MBD6: variants seen among roughly 807,000 people sequenced by gnomAD.
The protein encoded by MBD6 is methyl-CpG-binding domain protein 6.
Under a neutral mutation model 66.8 loss-of-function variants are expected in MBD6, and 22 were observed. The ratio of observed to expected loss-of-function variants is 0.33; its 90% confidence interval spans 0.24 to 0.47. MBD6 has a LOEUF of 0.47. Among genes scored for constraint, MBD6 ranks in the 20% least tolerant of loss-of-function variants. The pLI is 1.00. For synonymous variants in MBD6, 540 were observed against 534.6 expected (o/e 1.01, Z -0.14); for missense variants, 1,322 against 1,286.9 (o/e 1.03, Z -0.42).
In MBD6 at chr12:57,527,602, C is replaced by T. The variant is rs772286482; in HGVS notation, c.2178C>T (p.Pro726=). The stretch of plus-strand genomic sequence containing the variant: ...GGGCCTCCTCTCTGGGCAAGGCCCC[C>T]TCCAACTCAGGGAGACCCCCCCAAC... ...DPGASSLGKA[P]SNSGRPPQLL... The change falls in exon 8 of 13, where the codon CCC becomes CCT. Residue 726 remains proline, a synonymous_variant. Transcript: ENST00000355673. 2.5e-6 allele frequency: 4 copies of T among 1,613,746 alleles called. No individual in the cohort carries two copies. The highest frequency in any genetic ancestry group is 1.7e-5 in the Admixed American group (1 of 59,958).
Position 57,525,517 on chromosome 12 carries a change from G to C in MBD6, c.549G>C (p.Gly183=), listed in dbSNP as rs1380318828. The C allele has an allele frequency of 1.1e-5, 18 of 1,571,116 alleles. No individual in the cohort carries two copies. The highest frequency in any genetic ancestry group is 1.6e-5 in the Non-Finnish European group (18 of 1,160,308). The change falls in exon 6 of 13, where the codon GGG becomes GGC. Residue 183 remains glycine, a synonymous_variant. Coordinates refer to ENST00000355673, the MANE Select transcript of MBD6 (RefSeq NM_052897.4). ...TTCCCACTCTAGCAGGCCCTGGGGG[G>C]CTTTTCCCCCCAAGGCTTGCTGACC... is the stretch of plus-strand genomic sequence containing the variant. The part of the protein sequence containing the change: ...QAFPTLAGPG[G]LFPPRLADPV...
At chr12:57,522,723 G>GGGGC, upstream of MBD6, 1 of 155,628 alleles carries the variant, frequency 6.4e-6, no homozygotes, top group Non-Finnish European at 1.4e-5. Context: ...GGCAGCGGCG[G>GGGGC]AGGCGGCGGC....
intron 11 of MBD6, 29 bp downstream of exon 11, chr12:57,528,747 C>A: frequency 6.2e-7 from 1 of 1,613,590 alleles, no homozygotes. Flanking sequence ...ATAGTGCTGG[C>A]CTTTGCCTAC....
At position 57,524,969 on chromosome 12, in the gene MBD6, C is replaced by G; in HGVS notation, c.233C>G (p.Pro78Arg). ...ACCTTACAGGTTTTCAACTTTGACC[C>G]TTTGGCCCCGGTGACCCCGGGTGGG... The part of the protein sequence containing the change: ...LNVPKVFNFD[P>R]LAPVTPGGAG... The change falls in exon 5 of 13, where the codon CCT becomes CGT. Residue 78 changes from proline (P) to arginine (R), a missense_variant. Physicochemically the swap from Pro to Arg is moderately radical, Grantham distance 103. Transcript: ENST00000355673. 6.2e-7 allele frequency: 1 copy of G among 1,602,868 alleles called. No individual in the cohort carries two copies. The highest frequency in any genetic ancestry group is 8.5e-7 in the Non-Finnish European group (1 of 1,172,982).
chr12:57,528,590 C>T (rs1169130139), intron 10 of MBD6, 30 bp downstream of exon 10: 4 of 1,612,042 alleles, frequency 2.5e-6, no homozygotes, highest in Non-Finnish European at 3.4e-6. Flanking sequence ...AGTCTGGGCT[C>T]AGGGGCTCTG....
chr12:57,530,062 C>G lies in MBD6; in HGVS notation c.*828C>G, dbSNP rs1353772840. The G allele has an allele frequency of 6.6e-6, 1 of 152,576 alleles. No individual in the cohort carries two copies. The highest frequency in any genetic ancestry group is 1.5e-5 in the Non-Finnish European group (1 of 68,050). The allele number at this position is 152,576 out of a possible 1,614,324, so 9.5% of individuals were successfully genotyped here. ...GACAAGACCCTTGGGAGTTTTAATT[C>G]TGTTTTGTACTTGCCCTGTGGGGCC... On this transcript the variant is annotated 3_prime_UTR_variant, in exon 13 of 13. Coordinates refer to ENST00000355673, the MANE Select transcript of MBD6 (RefSeq NM_052897.4).
downstream of MBD6, among the ~76,000 whole-genome samples, chr12:57,530,931 C>A (rs74470647): frequency 1.3e-5 from 2 of 152,258 alleles, no homozygotes; most frequent in East Asian, 3.9e-4. Context: ...TCAAGCTACC[C>A]TTAGAGTACA....
chr12:57,527,376 A>G, intron 7 of MBD6, 131 bp from the exon 8 acceptor site: 1 of 1,248,536 alleles, frequency 8.0e-7, no homozygotes, highest in East Asian at 2.4e-5. Context: ...GATGACTGCA[A>G]GAATTGGGTC....
chr12:57,526,542 C>T lies in MBD6; in HGVS notation c.1421-24C>T, dbSNP rs761971544. ...GATGGGAGAAAGGGCCTCCCTTGAG[C>T]TGAATTTCTCTCCTCTTTTACAGGT... On this transcript the variant is annotated intron_variant, in intron 6 of 12. Coordinates refer to ENST00000355673, the MANE Select transcript of MBD6 (RefSeq NM_052897.4). 15 of 1,512,724 alleles carry T rather than the reference C, an allele frequency of 9.9e-6. No individual in the cohort carries two copies. In the South Asian group the frequency reaches 1.2e-4, roughly 12 times the overall value. 93.7% of individuals were successfully genotyped at this position (1,512,724 alleles called of 1,614,324 possible). A position where few individuals can be genotyped will look rare whatever the true frequency, so the allele number is the denominator to read the frequency against.
In MBD6 at chr12:57,526,228, C is replaced by T. The variant is rs764476881; in HGVS notation, c.1260C>T (p.Thr420=). Residue 420 remains threonine (T), a synonymous_variant, in exon 6 of 13, where the codon ACC becomes ACT. Transcript: ENST00000355673. The stretch of plus-strand genomic sequence containing the variant: ...TGCTGTCCCTGCTGGGACTCCCCAC[C>T]CCTGGCCCTTCCCACTCTGATGGAA... The part of the protein sequence containing the change: ...PSVLSLLGLP[T]PGPSHSDGSF... 2 of 1,614,096 alleles carry T rather than the reference C, an allele frequency of 1.2e-6. No individual in the cohort carries two copies. The highest frequency in any genetic ancestry group is 1.7e-6 in the Non-Finnish European group (2 of 1,180,008).
chr12:57,529,417 C>CA lies in MBD6; in HGVS notation c.*184dup. ...AGCCATTGCAGGGGGCAGGGAAGTT[C>CA]ACCCCCCCCCACCACCCCCCCGCCC... On this transcript the variant is annotated 3_prime_UTR_variant, in exon 13 of 13. Transcript: ENST00000355673. 1 of 522,892 alleles carries CA rather than the reference C, an allele frequency of 1.9e-6. No individual in the cohort carries two copies. The highest frequency in any genetic ancestry group is 3.4e-6 in the Non-Finnish European group (1 of 298,180). The allele number at this position is 522,892 out of a possible 1,614,324, so 32.4% of individuals were successfully genotyped here. A position where few individuals can be genotyped will look rare whatever the true frequency, so the allele number is the denominator to read the frequency against.
Position 57,527,526 on chromosome 12 carries a change from C to T in MBD6, c.2102C>T (p.Pro701Leu), listed in dbSNP as rs774120228. The change falls in exon 8 of 13, where the codon CCC becomes CTC. Residue 701 changes from proline to leucine, a missense_variant. Coordinates refer to ENST00000355673, the MANE Select transcript of MBD6 (RefSeq NM_052897.4). ...TCTTAGCCCTGTGTCCTGAGTGCCC[C>T]CCAACCTGGACCACCTACCTCCAGT... The part of the protein sequence containing the change: ...TPPQPCVLSA[P>L]QPGPPTSSVT... 6 of 1,614,000 alleles carry T rather than the reference C, an allele frequency of 3.7e-6. No individual in the cohort carries two copies. In the South Asian group the frequency reaches 5.5e-5, roughly 15 times the overall value.
At chr12:57,524,680 G>A in intron 3 of MBD6, 40 bp from the exon 4 acceptor site, 2 of 1,586,388 alleles carry the variant, frequency 1.3e-6, no homozygotes, top group Non-Finnish European at 1.7e-6. Context: ...CTGATTCGCT[G>A]CCAGCTAACC....
chr12:57,529,375 CCT>C lies in MBD6; in HGVS notation c.*142_*143del. On this transcript the variant is annotated 3_prime_UTR_variant, in exon 13 of 13. Coordinates refer to ENST00000355673, the MANE Select transcript of MBD6 (RefSeq NM_052897.4). ...TCAGAGCACAAATGCAACTCCTTCC[CCT>C]ACAATCCCATCCTGAGCCATTGCAG... is the stretch of plus-strand genomic sequence containing the variant. 2.8e-6 allele frequency: 2 copies of C among 720,904 alleles called. No individual in the cohort carries two copies. Among genetic ancestry groups the C allele is most frequent in the African/African-American group, 1.8e-5 (1 of 56,454 alleles). 44.7% of individuals were successfully genotyped at this position (720,904 alleles called of 1,614,324 possible).
Position 57,527,669 on chromosome 12 carries a change from G to A in MBD6, c.2236+9G>A. 6.3e-7 allele frequency: 1 copy of A among 1,577,988 alleles called. No homozygotes were observed. Among genetic ancestry groups the A allele is most frequent in the Non-Finnish European group, 8.6e-7 (1 of 1,163,202 alleles). ...GGGTGCCAGCCTGCTGGGTGAGTCT[G>A]AGGGAGTGTGAATTCACACTCTTGG... On this transcript the variant is annotated intron_variant, in intron 8 of 12. Coordinates refer to ENST00000355673, the MANE Select transcript of MBD6 (RefSeq NM_052897.4).
chr12:57,526,871 C>T lies in MBD6; in HGVS notation c.1726C>T (p.Leu576=). The T allele has an allele frequency of 6.2e-7, 1 of 1,613,568 alleles. No individual in the cohort carries two copies. The highest frequency in any genetic ancestry group is 8.5e-7 in the Non-Finnish European group (1 of 1,179,824). The change falls in exon 7 of 13, where the codon CTG becomes TTG. Residue 576 remains leucine (L), a synonymous_variant. Coordinates refer to ENST00000355673, the MANE Select transcript of MBD6 (RefSeq NM_052897.4). ...GGGGQPPPEP[L]LPPPGGPGPP... ...AGGAGGACAACCTCCCCCTGAGCCCCTGCTACCCCCACCAGGAGGACCTGG... is the reference window on the plus strand; with the variant it reads ...AGGAGGACAACCTCCCCCTGAGCCCTTGCTACCCCCACCAGGAGGACCTGG...
upstream of MBD6, chr12:57,520,927 C>T (rs1829497054): frequency 6.5e-6 from 1 of 154,722 alleles, no homozygotes; most frequent in African/African-American, 2.4e-5. Flanking sequence ...GCTCCCGGCG[C>T]CCAACGGCCC....
chr12:57,527,227 G>A lies in MBD6; in HGVS notation c.2082G>A (p.Gln694=). 1 of 1,500,822 alleles carries A rather than the reference G, an allele frequency of 6.7e-7. No homozygotes were observed. The highest frequency in any genetic ancestry group is 8.9e-7 in the Non-Finnish European group (1 of 1,124,526). 93.0% of individuals were successfully genotyped at this position (1,500,822 alleles called of 1,614,324 possible). A position where few individuals can be genotyped will look rare whatever the true frequency, so the allele number is the denominator to read the frequency against. ...ATCCCCCCTCGGGGACACCCCCCCAGGTGAGGATGGGGGTGAGTAGGTGGG... is the reference window on the plus strand; with the variant it reads ...ATCCCCCCTCGGGGACACCCCCCCAAGTGAGGATGGGGGTGAGTAGGTGGG... ...TLDPPSGTPP[Q]PCVLSAPQPG... Residue 694 remains glutamine (Q), a splice_region_variant and synonymous_variant, in exon 7 of 13, where the codon CAG becomes CAA. Transcript: ENST00000355673.
Position 57,528,701 on chromosome 12 carries a change from C to G in MBD6, c.2856C>G (p.Gly952=). The G allele has an allele frequency of 6.2e-7, 1 of 1,614,160 alleles. No homozygotes were observed. Among genetic ancestry groups the G allele is most frequent in the Non-Finnish European group, 8.5e-7 (1 of 1,180,022 alleles). Reference sequence around the variant, plus strand: ...GAGTAGTCAGAAAGTCTCGTCGTGGCCGTAGGAGAAAATACAAGTGAGTGT... The same window carrying G: ...GAGTAGTCAGAAAGTCTCGTCGTGGGCGTAGGAGAAAATACAAGTGAGTGT... ...PPGVVRKSRR[G]RRRKYNPTRN... is the part of the protein sequence containing the mutation. The change falls in exon 11 of 13, where the codon GGC becomes GGG. Residue 952 remains glycine (G), a synonymous_variant. Coordinates refer to ENST00000355673, the MANE Select transcript of MBD6 (RefSeq NM_052897.4).
Sources: gnomAD v4.1 joint callset for allele counts (sites outside exome capture counted in the v4.1 genomes callset) on GRCh38, gnomAD v4.1.1 for gene constraint, MANE v1.5 for transcripts, NCBI Gene and HGNC (gene_info 2026-07-23, HGNC 2026-07-21) for gene names.